Variants in GBA2 observed in about 807,000 individuals in gnomAD.
GBA2 encodes non-lysosomal glucosylceramidase.
Under a neutral mutation model 112.9 loss-of-function variants are expected in GBA2, and 79 were observed. The ratio of observed to expected loss-of-function variants is 0.70; its 90% CI spans 0.58 to 0.84. The LOEUF is 0.84. Ranked by LOEUF, GBA2 falls within the 40% of genes least tolerant of loss-of-function variation. The pLI is 0.00. For missense variants in GBA2, 1,043 were observed against 1,190.0 expected, an observed-to-expected ratio of 0.88 and a Z score of 1.82; for synonymous variants, 403 against 434.3, an observed-to-expected ratio of 0.93 and a Z score of 0.90.
Position 35,741,028 on chromosome 9 carries a change from C to T in GBA2, c.823G>A (p.Val275Met), listed in dbSNP as rs762754270. 2 of 1,614,168 alleles carry T rather than the reference C, an allele frequency of 1.2e-6. No individual in the cohort carries two copies. Among genetic ancestry groups the T allele is most frequent in the Non-Finnish European group, 1.7e-6 (2 of 1,179,992 alleles). Residue 275 changes from valine to methionine, a missense_variant, in exon 5 of 17, where the codon GTG becomes ATG. Transcript: ENST00000378103. This position sits in a 1 kb window ranked among gnomAD's most constrained non-coding sequence, Gnocchi z 4.6. ...AGAGCTTCGTCCCCTTCATTTTCCA[C>T]ATCCCACACAAAGACTCCTACAGGC... is the stretch of plus-strand genomic sequence containing the variant. ...SLPVGVFVWDVENEGDEALDV... is the reference protein window; with the variant it reads ...SLPVGVFVWDMENEGDEALDV...
chr9:35,744,567 T>C, intron 2 of GBA2, 48 bp downstream of exon 2: 2 of 1,222,258 alleles, frequency 1.6e-6, no homozygotes, highest in Non-Finnish European at 2.4e-6. Flanking sequence ...GTGGTAGACC[T>C]GGAGGCTAGG....
Position 35,741,110 on chromosome 9 carries a change from C to T in GBA2, c.787-46G>A. ...TCAGACGGTCCCAGTAGAGCGCCTC[C>T]TGACCCCACTCTGCTAGGATCAGTC... On this transcript the variant is annotated intron_variant, in intron 4 of 16. Transcript: ENST00000378103. This position sits in a 1 kb window ranked among gnomAD's most constrained non-coding sequence, Gnocchi z 4.6. The T allele has an allele frequency of 6.2e-7, 1 of 1,605,796 alleles. No homozygotes were observed. Among genetic ancestry groups the T allele is most frequent in the South Asian group, 1.1e-5 (1 of 90,458 alleles).
chr9:35,741,571 T>G lies in GBA2; in HGVS notation c.786+101A>C, dbSNP rs1223493607. The G allele has an allele frequency of 1.2e-6, 1 of 817,434 alleles. No homozygotes were observed. Among genetic ancestry groups the G allele is most frequent in the Non-Finnish European group, 2.2e-6 (1 of 461,358 alleles). The allele number at this position is 817,434 out of a possible 1,614,324, so 50.6% of individuals were successfully genotyped here. On this transcript the variant is annotated intron_variant, in intron 4 of 16. Coordinates refer to ENST00000378103, the MANE Select transcript of GBA2 (RefSeq NM_020944.3). This position sits in a 1 kb window ranked among gnomAD's most constrained non-coding sequence, Gnocchi z 4.6. ...CCTTGGCCTCCCAAAGTGTTGGGATTACAGGCGTGAGCTACCGCGCCTCGC... is the reference window on the plus strand; with the variant it reads ...CCTTGGCCTCCCAAAGTGTTGGGATGACAGGCGTGAGCTACCGCGCCTCGC...
rs1827156098 is a variant in GBA2, at chr9:35,749,058, C to T, written c.-354G>A. On this transcript the variant is annotated 5_prime_UTR_variant, in exon 1 of 17. Coordinates refer to ENST00000378103, the MANE Select transcript of GBA2 (RefSeq NM_020944.3). This position sits in a 1 kb window ranked among gnomAD's most constrained non-coding sequence, Gnocchi z 4.4. ...ACCAGGCACCGCCCCGGGACGGGCC[C>T]GCAAGGCACCGCCCCCGGGACCTCG... 4.9e-6 allele frequency: 1 copy of T among 204,040 alleles called. No individual in the cohort carries two copies. Among genetic ancestry groups the T allele is most frequent in the African/African-American group, 2.4e-5 (1 of 42,276 alleles). The allele number at this position is 204,040 out of a possible 1,614,324, so 12.6% of individuals were successfully genotyped here. A position where few individuals can be genotyped will look rare whatever the true frequency, so the allele number is the denominator to read the frequency against.
intron 9 of GBA2, 89 bp from the exon 10 acceptor site, chr9:35,739,508 G>T: frequency 7.8e-7 from 1 of 1,286,798 alleles, no homozygotes; most frequent in Non-Finnish European, 1.1e-6. Flanking sequence ...TTAGAGGTGG[G>T]GCATTGTTAC....
At position 35,739,422 on chromosome 9, in the gene GBA2, G is replaced by A. The variant is rs1826491755; in HGVS notation, c.1583-3C>T. 1 of 1,595,346 alleles carries A rather than the reference G, an allele frequency of 6.3e-7. No individual in the cohort carries two copies. Among genetic ancestry groups the A allele is most frequent in the Non-Finnish European group, 8.6e-7 (1 of 1,163,056 alleles). ...GTTGTACATGCGGTACTCCTGGCCT[G>A]GAGGAATGAATGAGACACACTGTTG... On this transcript the variant is annotated splice_region_variant and splice_polypyrimidine_tract_variant and intron_variant, in intron 9 of 16. Coordinates refer to ENST00000378103, the MANE Select transcript of GBA2 (RefSeq NM_020944.3).
At position 35,741,414 on chromosome 9, in the gene GBA2, C is replaced by A. The variant is rs887944067; in HGVS notation, c.786+258G>T. On this transcript the variant is annotated intron_variant, in intron 4 of 16. Transcript: ENST00000378103. This position sits in a 1 kb window ranked among gnomAD's most constrained non-coding sequence, Gnocchi z 4.6. ...GGTTCACACCATTATCCTGCCTCAG[C>A]CTCCCGAGTAGCTGGGACTACAGGT... The A allele has an allele frequency of 3.2e-5, 17 of 536,890 alleles. No individual in the cohort carries two copies. In the African/African-American group the frequency reaches 3.2e-4, roughly 10 times the overall value. The allele number at this position is 536,890 out of a possible 1,614,324, so 33.3% of individuals were successfully genotyped here. A position where few individuals can be genotyped will look rare whatever the true frequency, so the allele number is the denominator to read the frequency against.
chr9:35,737,562 A>T lies in GBA2; in HGVS notation c.2506-115T>A, dbSNP rs965127316. On this transcript the variant is annotated intron_variant, in intron 16 of 16. Coordinates refer to ENST00000378103, the MANE Select transcript of GBA2 (RefSeq NM_020944.3). This position sits in a 1 kb window ranked among gnomAD's most constrained non-coding sequence, Gnocchi z 4.1. ...CCTTCAAGGAGCTCCCAGCAAGTGG[A>T]GGAGATAACTATGACCCACAGACAG... is the stretch of plus-strand genomic sequence containing the variant. The T allele has an allele frequency of 1.9e-6, 3 of 1,555,800 alleles. No individual in the cohort carries two copies. The African/African-American group carries it at 4.1e-5, about 21-fold the overall frequency.
chr9:35,740,025 G>A lies in GBA2; in HGVS notation c.1382C>T (p.Ala461Val). 6.2e-7 allele frequency: 1 copy of A among 1,614,100 alleles called. No homozygotes were observed. Among genetic ancestry groups the A allele is most frequent in the Non-Finnish European group, 8.5e-7 (1 of 1,179,986 alleles). Residue 461 changes from alanine (A) to valine (V), a missense_variant, in exon 8 of 17, where the codon GCT (alanine) becomes GTT (valine). By Grantham distance (64) the Ala-to-Val change is moderately conservative. Coordinates refer to ENST00000378103, the MANE Select transcript of GBA2 (RefSeq NM_020944.3). The surrounding 1 kb of genome is among the most constrained non-coding windows in gnomAD (Gnocchi z 4.7). The stretch of plus-strand genomic sequence containing the variant: ...GTCATCCAATACCGGGCTCTGCCAA[G>A]CTGAGATCCTCTCTTCCCACTCTGC... Reference protein sequence around the residue: ...RYAEWEERISAWQSPVLDDRS... With the variant: ...RYAEWEERISVWQSPVLDDRS...
rs1373658161 is a variant in GBA2 at position 35,740,219 on chromosome 9, C to T, written c.1273G>A (p.Val425Ile). ...TCTTGGTCCCCTCACCTGTAGTGGA[C>T]TTGGCCTTTAGCTCCAAACATGATC... ...PRIMFGAKGQ[V>I]HYRRYTRFFG... Residue 425 changes from valine (V) to isoleucine (I), a missense_variant, in exon 7 of 17, where the codon GTC (valine) becomes ATC (isoleucine). Val to Ile is a conservative substitution (Grantham distance 29). Coordinates refer to ENST00000378103, the MANE Select transcript of GBA2 (RefSeq NM_020944.3). The surrounding 1 kb of genome is among the most constrained non-coding windows in gnomAD (Gnocchi z 4.7). The T allele has an allele frequency of 6.2e-7, 1 of 1,614,134 alleles. No homozygotes were observed. The highest frequency in any genetic ancestry group is 1.7e-5 in the Admixed American group (1 of 60,026).
Position 35,739,614 on chromosome 9 carries a change from C to G in GBA2, c.1582+14G>C, listed in dbSNP as rs375641704. On this transcript the variant is annotated intron_variant, in intron 9 of 16. Transcript: ENST00000378103. ...GGATGGCCTGCCATATCCCAGCCCA[C>G]CAGCATCCTGTACCCTCAAGGTAGC... The G allele has an allele frequency of 2.5e-6, 4 of 1,611,438 alleles. No homozygotes were observed. The highest frequency in any genetic ancestry group is 3.4e-6 in the Non-Finnish European group (4 of 1,178,102).
chr9:35,738,202 C>T (rs769901642), intron 14 of GBA2, 30 bp downstream of exon 14: 14 of 1,614,094 alleles, frequency 8.7e-6, no homozygotes, highest in Non-Finnish European at 1.1e-5. Flanking sequence ...TCTCAGCTGC[C>T]TTAAGACTAC....
Position 35,748,579 on chromosome 9 carries a change from A to G in GBA2, c.126T>C (p.Val42=), listed in dbSNP as rs1827121411. ...TGTCTTCGGGACTCTTACAGTCTGT[A>G]ACCTGCACATCCTTGGTGCCGCCAG... The part of the protein sequence containing the change: ...EETGGTKDVQ[V]TDCKSPEDSR... The change falls in exon 1 of 17, where the codon GTT becomes GTC. Residue 42 remains valine (V), a synonymous_variant. Coordinates refer to ENST00000378103, the MANE Select transcript of GBA2 (RefSeq NM_020944.3). 1 of 1,613,896 alleles carries G rather than the reference A, an allele frequency of 6.2e-7. No homozygotes were observed. Among genetic ancestry groups the G allele is most frequent in the African/African-American group, 1.3e-5 (1 of 74,884 alleles).
intron 8 of GBA2, 33 bp downstream of exon 8, chr9:35,739,965 A>C (rs371950239): frequency 1.2e-6 from 2 of 1,612,592 alleles, no homozygotes; most frequent in Non-Finnish European, 1.7e-6. Context: ...GTGAGTGCCC[A>C]GGAGAAAGGC....
At chr9:35,739,873 C>A in intron 8 of GBA2, 73 bp from the exon 9 acceptor site, 1 of 1,559,686 alleles carries the variant, frequency 6.4e-7, no homozygotes, top group Non-Finnish European at 8.8e-7. Context: ...GGGGGTTCAG[C>A]AGAGTGGGAT....
chr9:35,740,558 A>C lies in GBA2; in HGVS notation c.1097T>G (p.Leu366Arg). ...AGAGTCCAGCTGTCCATCCTGAAGT[A>C]GATCCTGCCACACCTGCTGCCCCGT... Reference protein sequence around the residue: ...DSTGQQVWQDLLQDGQLDSPT... With the variant: ...DSTGQQVWQDRLQDGQLDSPT... Residue 366 changes from leucine to arginine, a missense_variant, in exon 6 of 17, where the codon CTA becomes CGA. Transcript: ENST00000378103. The surrounding 1 kb of genome is among the most constrained non-coding windows in gnomAD (Gnocchi z 4.7). The C allele has an allele frequency of 2.5e-6, 4 of 1,613,638 alleles. No individual in the cohort carries two copies. Among genetic ancestry groups the C allele is most frequent in the Non-Finnish European group, 2.5e-6 (3 of 1,179,562 alleles).
In GBA2 at chr9:35,741,462, T is replaced by G; in HGVS notation, c.786+210A>C. The G allele has an allele frequency of 3.6e-6, 1 of 280,770 alleles. No individual in the cohort carries two copies. Among genetic ancestry groups the G allele is most frequent in the Non-Finnish European group, 6.9e-6 (1 of 145,796 alleles). The allele number at this position is 280,770 out of a possible 1,614,324, so 17.4% of individuals were successfully genotyped here. ...GGTGCCTGCCACAACGCCCAGCTAA[T>G]TTTTTTTTTTGTATTTTTAGTAGAT... is the stretch of plus-strand genomic sequence containing the variant. On this transcript the variant is annotated intron_variant, in intron 4 of 16. Transcript: ENST00000378103. The surrounding 1 kb of genome is among the most constrained non-coding windows in gnomAD (Gnocchi z 4.6).
At chr9:35,739,286 G>T in intron 10 of GBA2, 29 bp downstream of exon 10, 1 of 1,447,568 alleles carries the variant, frequency 6.9e-7, no homozygotes, top group Non-Finnish European at 9.7e-7. Flanking sequence ...GAGCCAAGAG[G>T]GCAGAAGCGG....
At chr9:35,748,228 G>T in intron 1 of GBA2, 118 bp downstream of exon 1, 2 of 673,124 alleles carry the variant, frequency 3.0e-6, no homozygotes, top group Non-Finnish European at 5.2e-6. Flanking sequence ...CAGGGATAGG[G>T]ACCGCTTCAC....
Sources: allele counts gnomAD v4.1 joint callset, GRCh38; gene constraint gnomAD v4.1.1; non-coding constraint Gnocchi (gnomAD v3.1); transcripts MANE v1.5; gene names NCBI Gene and HGNC (gene_info 2026-07-23, HGNC 2026-07-21).